Variants in TFDP2 observed in about 807,000 individuals in gnomAD.
TFDP2 encodes transcription factor Dp-2 (E2F dimerization partner 2).
In TFDP2, 17 loss-of-function variants were observed where a neutral mutation model predicts 59.3. The observed-to-expected ratio is 0.29, with a 90% CI of 0.20 to 0.43. TFDP2 has a LOEUF of 0.43. Ranked by LOEUF, TFDP2 falls within the 20% of genes least tolerant of loss-of-function variation. TFDP2 has a pLI of 1.00. For missense variants in TFDP2, 391 were observed against 528.8 expected (o/e 0.74, Z 2.56); for synonymous variants, 180 against 194.7 (o/e 0.92, Z 0.63).
intron 3 of TFDP2, among the ~76,000 whole-genome samples, chr3:142,086,480 C>T (rs1292808905): frequency 1.3e-5 from 2 of 152,184 alleles, no homozygotes; most frequent in Admixed American, 1.3e-4. Context: ...GCTCACAGAA[C>T]TCTAGCAAAA....
rs900312166 is a variant in TFDP2 at position 141,947,043 on chromosome 3, T to C, written c.*5470A>G. 2.6e-5 allele frequency: 4 copies of C among 152,106 alleles called. No homozygotes were observed. The highest frequency in any genetic ancestry group is 9.7e-5 in the African/African-American group (4 of 41,414). 9.4% of individuals were successfully genotyped at this position (152,106 alleles called of 1,614,324 possible). A position where few individuals can be genotyped will look rare whatever the true frequency, so the allele number is the denominator to read the frequency against. On this transcript the variant is annotated 3_prime_UTR_variant, in exon 13 of 13. Transcript: ENST00000489671. ...CTCCATCTCGAGGGGAAAAAAAATA[T>C]TATGCAAACATCAGGTTTTTCTCTT...
Position 142,093,408 on chromosome 3 carries a change from G to A in TFDP2, c.16-281C>T, listed in dbSNP as rs139157961. Among the ~76,000 whole-genome samples, 281 of 151,798 alleles carry A rather than the reference G, an allele frequency of 1.9e-3. 3 individuals are homozygous for A. The highest frequency in any genetic ancestry group is 0.012 in the Admixed American group (184 of 15,232). On this transcript the variant is annotated intron_variant, in intron 2 of 12. Coordinates refer to ENST00000489671, the MANE Select transcript of TFDP2 (RefSeq NM_001178139.2). ...AGGTGTTGCAGTGAGCTGAGATCAT[G>A]CCACTGCACTCCAGCCTGGATGACA...
intron 3 of TFDP2, among the ~76,000 whole-genome samples, chr3:142,086,280 A>G (rs2060808956): frequency 1.3e-5 from 2 of 152,196 alleles, no homozygotes; most frequent in Admixed American, 1.3e-4. Flanking sequence ...CCCTACTAGC[A>G]AAAAATAAAT....
intron 9 of TFDP2, 34 bp from the exon 10 acceptor site, chr3:141,963,997 G>A (rs1384483146): frequency 5.1e-6 from 8 of 1,578,668 alleles, no homozygotes; most frequent in Non-Finnish European, 6.9e-6. Context: ...ATGGTCAATT[G>A]TGCATAAGTG....
intron 2 of TFDP2, among the ~76,000 whole-genome samples, chr3:142,094,630 C>T (rs2061105335): frequency 1.3e-5 from 2 of 151,980 alleles, no homozygotes; most frequent in Non-Finnish European, 2.9e-5. Flanking sequence ...CAAGACACTA[C>T]CACATGGAAA....
chr3:142,141,772 GA>G, intron 1 of TFDP2, among the ~76,000 whole-genome samples: 1 of 151,662 alleles, frequency 6.6e-6, no homozygotes, highest in East Asian at 1.9e-4. Flanking sequence ...GCAGTGAGCC[GA>G]TATCATGCCA....
intron 3 of TFDP2, among the ~76,000 whole-genome samples, chr3:142,025,246 ACTCT>A (rs1254065635): frequency 5.3e-5 from 8 of 152,066 alleles, no homozygotes; most frequent in South Asian, 2.1e-4. Context: ...AGAAAATTAT[ACTCT>A]CTATGTTCTA....
rs940511323 is a variant in TFDP2 at position 141,959,906 on chromosome 3, T to C, written c.885-66A>G. On this transcript the variant is annotated intron_variant, in intron 10 of 12. Coordinates refer to ENST00000489671, the MANE Select transcript of TFDP2 (RefSeq NM_001178139.2). ...GAGAGGTCTGAATAGTTTTGTATTC[T>C]ATAGTTTAAGTAACAGAATGGGGGC... The C allele has an allele frequency of 2.0e-6, 3 of 1,516,810 alleles. No individual in the cohort carries two copies. The African/African-American group carries it at 4.2e-5, about 21-fold the overall frequency. 94.0% of individuals were successfully genotyped at this position (1,516,810 alleles called of 1,614,324 possible).
chr3:142,065,213 G>A (rs1010070951), intron 3 of TFDP2, among the ~76,000 whole-genome samples: 1 of 151,710 alleles, frequency 6.6e-6, no homozygotes, highest in Non-Finnish European at 1.5e-5. Flanking sequence ...GCAATGGTGT[G>A]ATCTCAGCTC....
At chr3:141,968,709 C>G (rs1441125832) in intron 9 of TFDP2, among the ~76,000 whole-genome samples, 16 of 102,932 alleles carry the variant, frequency 1.6e-4, no homozygotes, top group Non-Finnish European at 2.3e-4. Context: ...ACATATATAT[C>G]TCATATATAG....
chr3:142,044,240 T>TTG, intron 3 of TFDP2: 7 of 243,480 alleles, frequency 2.9e-5, no homozygotes, highest in South Asian at 5.2e-5. Context: ...TTTTTTTTTT[T>TTG]TTTTTTTTTT....
chr3:142,131,233 G>C (rs1417410405), intron 1 of TFDP2, among the ~76,000 whole-genome samples: 2 of 149,920 alleles, frequency 1.3e-5, no homozygotes. Context: ...AAGAAAGGTA[G>C]TATTTAGCAG....
chr3:142,019,647 A>ACCC (rs55808596), intron 3 of TFDP2, among the ~76,000 whole-genome samples: 7,442 of 149,464 alleles, frequency 0.05, 222 homozygotes, highest in Middle Eastern at 0.088. Context: ...TATATTAAAC[A>ACCC]CCCCCCCCAA....
intron 1 of TFDP2, among the ~76,000 whole-genome samples, chr3:142,108,729 A>C (rs1355251708): frequency 6.6e-6 from 1 of 152,148 alleles, no homozygotes; most frequent in Non-Finnish European, 1.5e-5. Context: ...CAAATCTTTA[A>C]TGTTGTCTAG....
chr3:142,142,440 G>T (rs1283846218), intron 1 of TFDP2, among the ~76,000 whole-genome samples: 1 of 152,102 alleles, frequency 6.6e-6, no homozygotes, highest in Non-Finnish European at 1.5e-5. Flanking sequence ...ACTGATCAAA[G>T]AAATTGAAGA....
At chr3:142,137,271 G>A (rs2062770525) in intron 1 of TFDP2, among the ~76,000 whole-genome samples, 1 of 152,160 alleles carries the variant, frequency 6.6e-6, no homozygotes, top group Non-Finnish European at 1.5e-5. Flanking sequence ...TCAGCTTAAG[G>A]AGGTTTTGGG....
intron 3 of TFDP2, among the ~76,000 whole-genome samples, chr3:142,013,882 T>C (rs746299745): frequency 6.6e-6 from 1 of 152,142 alleles, no homozygotes; most frequent in Non-Finnish European, 1.5e-5. Flanking sequence ...GGTTTGTCTA[T>C]ATGATGCTAA....
chr3:142,033,938 C>G (rs1366614640), intron 3 of TFDP2, among the ~76,000 whole-genome samples: 1 of 152,146 alleles, frequency 6.6e-6, no homozygotes, highest in Admixed American at 6.5e-5. Context: ...TAATATTTCT[C>G]TTCCCACTGA....
chr3:142,074,821 CA>C (rs1206988107), intron 3 of TFDP2, among the ~76,000 whole-genome samples: 2 of 152,148 alleles, frequency 1.3e-5, no homozygotes, highest in Non-Finnish European at 2.9e-5. Flanking sequence ...TACTGCATTC[CA>C]GCGTGGGCGA....
Sources: allele counts gnomAD v4.1 joint callset (sites outside exome capture counted in the v4.1 genomes callset), GRCh38; gene constraint gnomAD v4.1.1; transcripts MANE v1.5; gene names NCBI Gene and HGNC (gene_info 2026-07-23, HGNC 2026-07-21).